The following KHDRBS2 variants were observed in gnomAD, a reference collection of about 807,000 sequenced individuals.
KHDRBS2 encodes KH domain-containing, RNA-binding, signal transduction-associated protein 2.
Under a neutral mutation model 44.3 loss-of-function variants are expected in KHDRBS2, and 26 were observed. The ratio of observed to expected loss-of-function variants is 0.59; its 90% CI spans 0.43 to 0.81. The LOEUF is 0.81. Ranked by LOEUF, KHDRBS2 falls within the 40% of genes least tolerant of loss-of-function variation. The pLI, the probability that KHDRBS2 is intolerant of heterozygous loss-of-function variation, is 0.00. For missense variants in KHDRBS2, 476 were observed against 433.1 expected (o/e 1.10, Z -0.88); for synonymous variants, 194 against 151.1 (o/e 1.28, Z -2.08).
intron 3 of KHDRBS2, among the ~76,000 whole-genome samples, chr6:61,982,028 T>C (rs986379009): frequency 1.3e-5 from 2 of 152,182 alleles, no homozygotes; most frequent in African/African-American, 4.8e-5. Flanking sequence ...AACTGTGTTA[T>C]AATGAATTCA....
At chr6:61,624,029 A>G in the KHDRBS2 span, among the ~76,000 whole-genome samples, 1 of 152,214 alleles carries the variant, frequency 6.6e-6, no homozygotes, top group Non-Finnish European at 1.5e-5. Context: ...TAACACTGGA[A>G]AAGAAAAAGT....
intron 1 of KHDRBS2, among the ~76,000 whole-genome samples, chr6:62,208,178 T>C (rs1828355269): frequency 6.6e-6 from 1 of 152,214 alleles, no homozygotes; most frequent in Non-Finnish European, 1.5e-5. Flanking sequence ...CATGATGTCC[T>C]CCATGTTCAT....
intron 4 of KHDRBS2, among the ~76,000 whole-genome samples, chr6:61,934,283 T>C (rs1037814936): frequency 6.6e-6 from 1 of 152,212 alleles, no homozygotes; most frequent in African/African-American, 2.4e-5. Flanking sequence ...TCCCTTGTTG[T>C]GCAGAAACTT....
intron 2 of KHDRBS2, among the ~76,000 whole-genome samples, chr6:62,076,516 G>A (rs1208460852): frequency 2.0e-5 from 3 of 152,046 alleles, no homozygotes; most frequent in African/African-American, 7.2e-5. Context: ...GTAGTGAAAT[G>A]TGGGGAAAGG....
At chr6:62,123,463 G>A (rs1440781424) in intron 2 of KHDRBS2, among the ~76,000 whole-genome samples, 2 of 152,158 alleles carry the variant, frequency 1.3e-5, no homozygotes, top group Non-Finnish European at 2.9e-5. Context: ...AGATCCTTGA[G>A]GAATCGCCAC....
rs141423197 is a variant in KHDRBS2, at chr6:61,776,998, C to T, written c.811-44234G>A. The stretch of plus-strand genomic sequence containing the variant: ...TTCATGTCCTTTGTAGGGACATGGA[C>T]GAAACTGGAAACCGTCATTCTCAGC... On this transcript the variant is annotated intron_variant, in intron 6 of 8. Transcript: ENST00000281156. Among the ~76,000 whole-genome samples, 480 of 151,970 alleles carry T rather than the reference C, an allele frequency of 3.2e-3. 4 individuals are homozygous for T. Among genetic ancestry groups the T allele is most frequent in the African/African-American group, 0.011 (449 of 41,454 alleles).
In KHDRBS2 at chr6:62,286,205, C is replaced by G. The variant is rs992296597; in HGVS notation, c.-257G>C. ...CCCCGGCTCACACCAGCGGCCTTAACTGGAGAGGCGGGAACAGGACGCGGC... is the reference window on the plus strand; with the variant it reads ...CCCCGGCTCACACCAGCGGCCTTAAGTGGAGAGGCGGGAACAGGACGCGGC... On this transcript the variant is annotated 5_prime_UTR_variant, in exon 1 of 9. Coordinates refer to ENST00000281156, the MANE Select transcript of KHDRBS2 (RefSeq NM_152688.4). 2.0e-6 allele frequency: 1 copy of G among 498,928 alleles called. No individual in the cohort carries two copies. The highest frequency in any genetic ancestry group is 2.1e-5 in the African/African-American group (1 of 48,500). The allele number at this position is 498,928 out of a possible 1,614,324, so 30.9% of individuals were successfully genotyped here. A position where few individuals can be genotyped will look rare whatever the true frequency, so the allele number is the denominator to read the frequency against.
chr6:61,853,128 CA>C (rs1439119543), intron 6 of KHDRBS2, among the ~76,000 whole-genome samples: 2 of 152,070 alleles, frequency 1.3e-5, no homozygotes, highest in African/African-American at 4.8e-5. Context: ...CATCTGGTAC[CA>C]ATATTTTCCT....
At chr6:61,556,363 TCTCA>T in the KHDRBS2 span, among the ~76,000 whole-genome samples, 6 of 152,132 alleles carry the variant, frequency 3.9e-5, no homozygotes, top group Non-Finnish European at 8.8e-5. Flanking sequence ...TCACTCTGGA[TCTCA>T]CCAAAAAATC....
intron 6 of KHDRBS2, among the ~76,000 whole-genome samples, chr6:61,803,156 A>G (rs576895030): frequency 2.0e-5 from 3 of 152,296 alleles, no homozygotes; most frequent in African/African-American, 4.8e-5. Flanking sequence ...CTCATAATCA[A>G]TTCTTTAGTA....
chr6:61,574,426 T>C, the KHDRBS2 span: 7 of 1,497,904 alleles, frequency 4.7e-6, no homozygotes, highest in East Asian at 1.0e-4. Flanking sequence ...GAAGACCATA[T>C]GGAGCTTCAA....
chr6:62,172,416 G>T (rs1189665239), intron 2 of KHDRBS2, among the ~76,000 whole-genome samples: 1 of 151,992 alleles, frequency 6.6e-6, no homozygotes, highest in East Asian at 1.9e-4. Flanking sequence ...CAACATAGGA[G>T]TACCCAGATT....
At chr6:61,947,922 T>TAATAAA (rs1763921887) in intron 4 of KHDRBS2, among the ~76,000 whole-genome samples, 1 of 61,204 alleles carries the variant, frequency 1.6e-5, no homozygotes, top group Non-Finnish European at 4.0e-5. Context: ...AAAATAATAA[T>TAATAAA]AATAATAATA....
chr6:61,672,354 T>C, the KHDRBS2 span, among the ~76,000 whole-genome samples: 1 of 152,080 alleles, frequency 6.6e-6, no homozygotes, highest in Non-Finnish European at 1.5e-5. Flanking sequence ...CCTTTGGGTA[T>C]AAACCCAGTA....
At chr6:61,965,974 A>G (rs1769839515) in intron 4 of KHDRBS2, among the ~76,000 whole-genome samples, 1 of 152,060 alleles carries the variant, frequency 6.6e-6, no homozygotes, top group Non-Finnish European at 1.5e-5. Flanking sequence ...TAAGAAGTTT[A>G]GGGTCAATCA....
Position 62,019,265 on chromosome 6 carries a change from A to G in KHDRBS2, c.336+28613T>C, listed in dbSNP as rs1207011073. 9.9e-4 allele frequency among the ~76,000 whole-genome samples: 150 copies of G among 152,218 alleles called. 1 individual carries two copies. Among genetic ancestry groups the G allele is most frequent in the Non-Finnish European group, 2.9e-4 (20 of 67,966 alleles). ...AATGTTAACTGCAGGTTTTGCATAAATGCTCTTACAAGTTTGCAGAAGCTT... is the reference window on the plus strand; with the variant it reads ...AATGTTAACTGCAGGTTTTGCATAAGTGCTCTTACAAGTTTGCAGAAGCTT... On this transcript the variant is annotated intron_variant, in intron 3 of 8. Transcript: ENST00000281156.
intron 1 of KHDRBS2, among the ~76,000 whole-genome samples, chr6:62,178,082 A>C (rs1821504955): frequency 6.6e-6 from 1 of 151,586 alleles, no homozygotes. Context: ...AGGAACAGTG[A>C]GAAAATGAAT....
chr6:62,262,487 A>C (rs16882802), intron 1 of KHDRBS2, among the ~76,000 whole-genome samples: 1 of 151,824 alleles, frequency 6.6e-6, no homozygotes, highest in Non-Finnish European at 1.5e-5. Flanking sequence ...CAGCAAAATC[A>C]AATACTCATA....
At chr6:61,776,180 TA>T (rs1471494332) in intron 6 of KHDRBS2, among the ~76,000 whole-genome samples, 1 of 152,088 alleles carries the variant, frequency 6.6e-6, no homozygotes, top group Non-Finnish European at 1.5e-5. Flanking sequence ...CCTAAAACCA[TA>T]AAAACCCTAG....
Sources: gnomAD v4.1 joint callset for allele counts (sites outside exome capture counted in the v4.1 genomes callset) on GRCh38, gnomAD v4.1.1 for gene constraint, MANE v1.5 for transcripts, NCBI Gene and HGNC (gene_info 2026-07-23, HGNC 2026-07-21) for gene names.